Variants in AOAH observed in about 807,000 individuals in gnomAD.
The protein encoded by AOAH is acyloxyacyl hydrolase.
Under a neutral mutation model 92.2 loss-of-function variants are expected in AOAH, and 64 were observed. That is an observed-to-expected ratio of 0.69 (90% CI 0.57 to 0.86). AOAH has a LOEUF of 0.86. Ranked by LOEUF, AOAH falls within the 40% of genes least tolerant of loss-of-function variation. The pLI is 0.00. For synonymous variants in AOAH, 263 were observed against 254.5 expected, an observed-to-expected ratio of 1.03 and a Z score of -0.32; for missense variants, 656 against 694.6, an observed-to-expected ratio of 0.94 and a Z score of 0.62.
chr7:36,674,815 G>C (rs1381793559), intron 2 of AOAH, among the ~76,000 whole-genome samples: 1 of 152,212 alleles, frequency 6.6e-6, no homozygotes, highest in Admixed American at 6.5e-5. Flanking sequence ...GGCCTTGCTG[G>C]ATGATGGAGT....
rs60730967 is a variant in AOAH, at chr7:36,610,497, CTTT to C, written c.846+5880_846+5882del. ...ATTAGCTCTATCATTGGCTTTATAACTTTTTTTTTTTTTTAAAAAAAAAGAATA... is the reference window on the plus strand; with the variant it reads ...ATTAGCTCTATCATTGGCTTTATAACTTTTTTTTTTTAAAAAAAAAGAATA... On this transcript the variant is annotated intron_variant, in intron 11 of 20. Coordinates refer to ENST00000617537, the MANE Select transcript of AOAH (RefSeq NM_001637.4). Among the ~76,000 whole-genome samples, 226 of 98,966 alleles carry C rather than the reference CTTT, an allele frequency of 2.3e-3. 1 individual carries two copies. The highest frequency in any genetic ancestry group is 7.6e-3 in the East Asian group (30 of 3,970). The allele number at this position is 98,966 out of a possible 152,430, so 64.9% of individuals were successfully genotyped here. A position where few individuals can be genotyped will look rare whatever the true frequency, so the allele number is the denominator to read the frequency against.
intron 13 of AOAH, among the ~76,000 whole-genome samples, chr7:36,575,642 TCA>T (rs1445767552): frequency 1.3e-5 from 2 of 152,306 alleles, no homozygotes; most frequent in East Asian, 3.9e-4. Context: ...TGGTAAGAGC[TCA>T]GTTAATGGCA....
chr7:36,521,342 T>C (rs1379580139), intron 20 of AOAH, among the ~76,000 whole-genome samples: 3 of 152,226 alleles, frequency 2.0e-5, no homozygotes, highest in Non-Finnish European at 2.9e-5. Flanking sequence ...CTTTTTCTTC[T>C]TCTTCTTAAT....
rs532548492 is a variant in AOAH at position 36,572,145 on chromosome 7, T to TA, written c.1021+4428dup. ...GATCTGTACATCTATTATGCAGCAA[T>TA]AAAAAATAAATAAAAAATGAAATTA... On this transcript the variant is annotated intron_variant, in intron 13 of 20. Coordinates refer to ENST00000617537, the MANE Select transcript of AOAH (RefSeq NM_001637.4). Among the ~76,000 whole-genome samples, 3 of 152,044 alleles carry TA rather than the reference T, an allele frequency of 2.0e-5. No individual in the cohort carries two copies. The East Asian group carries it at 5.8e-4, about 29-fold the overall frequency.
chr7:36,569,499 A>ATCTATCTG (rs1787952109), intron 13 of AOAH, among the ~76,000 whole-genome samples: 1 of 151,592 alleles, frequency 6.6e-6, no homozygotes, highest in South Asian at 2.1e-4. Flanking sequence ...CTATCTATCT[A>ATCTATCTG]TCTATCTATC....
At chr7:36,616,286 A>G in intron 11 of AOAH, 94 bp downstream of exon 11, 2 of 974,066 alleles carry the variant, frequency 2.1e-6, no homozygotes, top group Non-Finnish European at 3.2e-6. Context: ...GGAAATTTGC[A>G]CCTGTGTGGA....
intron 2 of AOAH, among the ~76,000 whole-genome samples, chr7:36,678,600 T>TGTGTGTGTGTGTGTGTGTGC (rs549317369): frequency 3.8e-4 from 50 of 131,090 alleles, no homozygotes; most frequent in South Asian, 5.6e-4. Flanking sequence ...TGTGTGTGTG[T>TGTGTGTGTGTGTGTGTGTGC]GCGCGCGCGC....
chr7:36,715,404 G>A (rs1355591320), intron 1 of AOAH, among the ~76,000 whole-genome samples: 1 of 152,032 alleles, frequency 6.6e-6, no homozygotes, highest in African/African-American at 2.4e-5. Flanking sequence ...ACTGCCCAAG[G>A]TAATTTATAG....
chr7:36,625,642 T>TA (rs1171184034), intron 6 of AOAH, among the ~76,000 whole-genome samples: 1 of 152,118 alleles, frequency 6.6e-6, no homozygotes, highest in African/African-American at 2.4e-5. Context: ...CATCCACACT[T>TA]ACAGGAAAAG....
At chr7:36,633,232 C>T (rs1793262741) in intron 5 of AOAH, among the ~76,000 whole-genome samples, 1 of 152,208 alleles carries the variant, frequency 6.6e-6, no homozygotes, top group Non-Finnish European at 1.5e-5. Flanking sequence ...TCCACATCCC[C>T]ACCTCAGGGC....
chr7:36,708,456 A>G (rs1049360297), intron 1 of AOAH, among the ~76,000 whole-genome samples: 15 of 152,094 alleles, frequency 9.9e-5, no homozygotes, highest in African/African-American at 3.6e-4. Context: ...ACACTGTCAC[A>G]ATATTTTCCT....
intron 11 of AOAH, among the ~76,000 whole-genome samples, chr7:36,594,923 T>C (rs141499013): frequency 1.3e-4 from 20 of 152,306 alleles, no homozygotes; most frequent in African/African-American, 3.8e-4. Flanking sequence ...GAGAATCTAA[T>C]TGTGGTTCCT....
chr7:36,516,196 CTT>C lies in AOAH; in HGVS notation c.1600-2818_1600-2817del, dbSNP rs1298745347. ...CCATACCACACATACATACATCTCT[CTT>C]ATATACACACACACATCCTACACAC... On this transcript the variant is annotated intron_variant, in intron 20 of 20. Transcript: ENST00000617537. This position sits in a 1 kb window ranked among gnomAD's most constrained non-coding sequence, Gnocchi z 5.0. Among the ~76,000 whole-genome samples the C allele has an allele frequency of 6.7e-6, 1 of 149,244 alleles. No homozygotes were observed. The highest frequency in any genetic ancestry group is 1.5e-5 in the Non-Finnish European group (1 of 67,070).
intron 11 of AOAH, among the ~76,000 whole-genome samples, chr7:36,603,455 T>G (rs1275901432): frequency 6.6e-6 from 1 of 152,206 alleles, no homozygotes; most frequent in Non-Finnish European, 1.5e-5. Context: ...CCCCGGCCTT[T>G]CTCTCTTAGG....
At chr7:36,722,578 A>C (rs954461297) in intron 1 of AOAH, among the ~76,000 whole-genome samples, 19 of 152,104 alleles carry the variant, frequency 1.2e-4, no homozygotes, top group Non-Finnish European at 2.5e-4. Flanking sequence ...GGTTCAAAGG[A>C]CCACACACCT....
chr7:36,633,468 C>T (rs1793284692), intron 5 of AOAH, among the ~76,000 whole-genome samples: 1 of 152,136 alleles, frequency 6.6e-6, no homozygotes, highest in African/African-American at 2.4e-5. Context: ...TAACAACGTC[C>T]CCAGGATGCA....
At chr7:36,636,540 T>C (rs1793538400) in intron 5 of AOAH, among the ~76,000 whole-genome samples, 1 of 152,262 alleles carries the variant, frequency 6.6e-6, no homozygotes, top group Admixed American at 6.5e-5. Context: ...TGTGGTCTTT[T>C]AATATCTTAT....
chr7:36,686,531 A>ATT (rs60875600), intron 2 of AOAH, among the ~76,000 whole-genome samples, 168 bp downstream of exon 2: 2 of 151,028 alleles, frequency 1.3e-5, no homozygotes, highest in African/African-American at 4.9e-5. Context: ...TGCCCAGAGC[A>ATT]TTTTTTTTTG....
chr7:36,574,821 A>G (rs1788371119), intron 13 of AOAH, among the ~76,000 whole-genome samples: 1 of 152,198 alleles, frequency 6.6e-6, no homozygotes. Flanking sequence ...ATGATTTTCT[A>G]TATTTTCTAC....
Sources: allele counts gnomAD v4.1 joint callset (sites outside exome capture counted in the v4.1 genomes callset), GRCh38; gene constraint gnomAD v4.1.1; non-coding constraint Gnocchi (gnomAD v3.1); transcripts MANE v1.5; gene names NCBI Gene and HGNC (gene_info 2026-07-23, HGNC 2026-07-21).